NCAM2: variants seen among roughly 807,000 people sequenced by gnomAD.
NCAM2 encodes neural cell adhesion molecule 2, also known as N-CAM-2.
Under a neutral mutation model 98.1 loss-of-function variants are expected in NCAM2, and 30 were observed. The observed-to-expected ratio is 0.31, with a 90% confidence interval of 0.23 to 0.41. NCAM2 has a LOEUF of 0.41. NCAM2 is among the 10% of genes least tolerant of loss of function. NCAM2 has a pLI of 1.00. For synonymous variants in NCAM2, 368 were observed against 342.4 expected (o/e 1.07, Z -0.83); for missense variants, 867 against 1,005.8 (o/e 0.86, Z 1.87).
intron 8 of NCAM2, among the ~76,000 whole-genome samples, chr21:21,341,807 T>G: frequency 6.6e-6 from 1 of 151,932 alleles, no homozygotes; most frequent in South Asian, 2.1e-4. Flanking sequence ...GTGAATGCTC[T>G]TATACTGAGC....
chr21:21,246,406 G>A (rs2071273810), intron 1 of NCAM2, among the ~76,000 whole-genome samples: 1 of 152,124 alleles, frequency 6.6e-6, no homozygotes, highest in African/African-American at 2.4e-5. Context: ...AGATAATATA[G>A]TGGATGAGAG....
chr21:21,339,160 T>C (rs1306572325), intron 8 of NCAM2, among the ~76,000 whole-genome samples: 2 of 152,104 alleles, frequency 1.3e-5, no homozygotes, highest in Admixed American at 6.6e-5. Flanking sequence ...TAAAGCTTTA[T>C]TGAAACTAAA....
chr21:21,423,422 G>T (rs1054419202), intron 11 of NCAM2, among the ~76,000 whole-genome samples: 2 of 152,094 alleles, frequency 1.3e-5, no homozygotes, highest in Non-Finnish European at 2.9e-5. Flanking sequence ...GTTCATATTG[G>T]TCACTTTTCT....
At chr21:21,169,855 G>A (rs190479789) in intron 1 of NCAM2, among the ~76,000 whole-genome samples, 2 of 152,254 alleles carry the variant, frequency 1.3e-5, no homozygotes, top group East Asian at 3.9e-4. Flanking sequence ...CTACTCAGGA[G>A]TCTGAGGTGG....
intron 1 of NCAM2, among the ~76,000 whole-genome samples, chr21:21,038,137 CT>C (rs5842872): frequency 0.95 from 144,630 of 152,002 alleles, 69,224 homozygotes; most frequent in East Asian, 1. Context: ...TTTTCTGCTG[CT>C]ACTGTTAACT....
chr21:21,013,297 G>T (rs951577905), intron 1 of NCAM2, among the ~76,000 whole-genome samples: 2 of 152,160 alleles, frequency 1.3e-5, no homozygotes, highest in Admixed American at 1.3e-4. Flanking sequence ...AGAAAGCAAA[G>T]CAACCTTATT....
At chr21:21,332,119 G>A (rs2074728279) in intron 6 of NCAM2, among the ~76,000 whole-genome samples, 1 of 151,918 alleles carries the variant, frequency 6.6e-6, no homozygotes. Flanking sequence ...TGGCCAGGCT[G>A]ATCTGTAACT....
intron 1 of NCAM2, among the ~76,000 whole-genome samples, chr21:21,049,001 T>C (rs1317778864): frequency 7.0e-6 from 1 of 143,326 alleles, no homozygotes; most frequent in Non-Finnish European, 1.5e-5. Context: ...TTACTATTTA[T>C]ATTTACTATT....
intron 14 of NCAM2, among the ~76,000 whole-genome samples, chr21:21,475,044 A>T (rs1278254030): frequency 2.9e-5 from 1 of 34,708 alleles, no homozygotes; most frequent in Non-Finnish European, 7.4e-5. Context: ...TAATGCACAT[A>T]TATATATATA....
intron 1 of NCAM2, among the ~76,000 whole-genome samples, chr21:21,085,710 G>A (rs1009218936): frequency 6.6e-6 from 1 of 152,094 alleles, no homozygotes; most frequent in East Asian, 1.9e-4. Context: ...TTCCAACAAT[G>A]AGTAAAGATT....
chr21:21,026,395 A>G (rs910391956), intron 1 of NCAM2, among the ~76,000 whole-genome samples: 51 of 152,300 alleles, frequency 3.3e-4, no homozygotes, highest in African/African-American at 1.1e-3. Flanking sequence ...GCGGTGGCTC[A>G]CGCCTGTAAT....
At chr21:21,021,297 C>T (rs2064430321) in intron 1 of NCAM2, among the ~76,000 whole-genome samples, 1 of 152,070 alleles carries the variant, frequency 6.6e-6, no homozygotes, top group East Asian at 1.9e-4. Context: ...TTTAAAACCC[C>T]AGCATTCAAG....
intron 8 of NCAM2, among the ~76,000 whole-genome samples, chr21:21,340,273 T>C (rs2074987969): frequency 6.6e-6 from 1 of 151,952 alleles, no homozygotes; most frequent in Non-Finnish European, 1.5e-5. Flanking sequence ...AGTTATCTTC[T>C]CAAAGATAGT....
At chr21:21,352,847 G>GTGTTTT (rs1356835441) in intron 8 of NCAM2, among the ~76,000 whole-genome samples, 9 of 146,138 alleles carry the variant, frequency 6.2e-5, no homozygotes, top group South Asian at 4.4e-4. Context: ...AAAAAAGAAA[G>GTGTTTT]TGTTTTTGTT....
intron 9 of NCAM2, among the ~76,000 whole-genome samples, chr21:21,408,942 T>G (rs1555889247): frequency 1.6e-5 from 2 of 125,460 alleles, no homozygotes. Context: ...ATTTATATAA[T>G]TAGTAGATAT....
At chr21:21,468,610 T>G (rs950804992) in intron 13 of NCAM2, 52 bp from the exon 14 acceptor site, 12 of 1,534,156 alleles carry the variant, frequency 7.8e-6, no homozygotes, top group Middle Eastern at 1.7e-4. Context: ...ATATAGTTTA[T>G]CTAGGTATCT....
chr21:21,229,304 A>G (rs565660100), intron 1 of NCAM2, among the ~76,000 whole-genome samples: 1 of 151,760 alleles, frequency 6.6e-6, no homozygotes, highest in Admixed American at 6.6e-5. Context: ...ATACGAAGTT[A>G]TAGACACATT....
chr21:21,528,805 C>T (rs112056942), intron 16 of NCAM2, among the ~76,000 whole-genome samples: 43 of 152,136 alleles, frequency 2.8e-4, no homozygotes, highest in African/African-American at 1.0e-3. Context: ...TACTGAATTA[C>T]ACTAATCTAA....
chr21:21,254,739 C>T (rs1051987542), intron 1 of NCAM2, among the ~76,000 whole-genome samples: 5 of 152,066 alleles, frequency 3.3e-5, no homozygotes, highest in Non-Finnish European at 7.4e-5. Flanking sequence ...AAAAAATATG[C>T]ATGAAGTATG....
Sources: allele counts gnomAD v4.1 joint callset (sites outside exome capture counted in the v4.1 genomes callset), GRCh38; gene constraint gnomAD v4.1.1; transcripts MANE v1.5; gene names NCBI Gene and HGNC (gene_info 2026-07-23, HGNC 2026-07-21).